The following MAD1L1 variants were observed in gnomAD, a reference collection of about 807,000 sequenced individuals.
MAD1L1 encodes mitotic arrest deficient 1 like 1.
Under a neutral mutation model 96.9 loss-of-function variants are expected in MAD1L1, and 95 were observed. The ratio of observed to expected loss-of-function variants is 0.98; its 90% CI spans 0.83 to 1.16. The LOEUF (loss-of-function observed/expected upper bound fraction) is 1.16. MAD1L1 is among the 50% of genes most tolerant of loss of function. The pLI, the probability that MAD1L1 is intolerant of heterozygous loss-of-function variation, is 0.00. For synonymous variants in MAD1L1, 473 were observed against 396.6 expected (o/e 1.19, Z -2.29); for missense variants, 1,007 against 954.4 (o/e 1.06, Z -0.73).
chr7:2,011,009 G>A (rs567672694), intron 13 of MAD1L1, among the ~76,000 whole-genome samples: 5 of 152,222 alleles, frequency 3.3e-5, no homozygotes, highest in Admixed American at 2.6e-4. Context: ...AAAAGGAGAC[G>A]GGAAACAGAA....
At chr7:1,897,984 G>A (rs1786991689) in intron 18 of MAD1L1, 2 of 596,712 alleles carry the variant, frequency 3.4e-6, no homozygotes, top group Non-Finnish European at 6.0e-6. Context: ...TCTGCACCCA[G>A]GAGGTCCAGG....
intron 12 of MAD1L1, among the ~76,000 whole-genome samples, chr7:2,018,780 G>A (rs1203072085): frequency 2.0e-5 from 3 of 151,646 alleles, no homozygotes; most frequent in Non-Finnish European, 2.9e-5. Context: ...ACCCACTCCC[G>A]CCCGGCCTCT....
At chr7:1,902,936 T>C (rs145567785) in intron 17 of MAD1L1, among the ~76,000 whole-genome samples, 44 of 145,792 alleles carry the variant, frequency 3.0e-4, no homozygotes, top group African/African-American at 1.1e-3. Flanking sequence ...GTGGAACTCA[T>C]GATTGATGAA....
At chr7:1,826,888 T>A (rs1328627138) in intron 18 of MAD1L1, among the ~76,000 whole-genome samples, 1 of 152,152 alleles carries the variant, frequency 6.6e-6, no homozygotes, top group Non-Finnish European at 1.5e-5. Context: ...AGGGTGACCT[T>A]TCCTTCAAGA....
At chr7:1,847,721 G>A (rs776631328) in intron 18 of MAD1L1, 7 of 469,950 alleles carry the variant, frequency 1.5e-5, no homozygotes, top group Non-Finnish European at 3.1e-5. Context: ...GGTTCCCATC[G>A]CTTCGGCGTC....
At chr7:2,126,478 C>A (rs1394495009) in intron 11 of MAD1L1, among the ~76,000 whole-genome samples, 2 of 152,218 alleles carry the variant, frequency 1.3e-5, no homozygotes, top group Non-Finnish European at 2.9e-5. Context: ...GCGGAGCTAT[C>A]TTCCCCCCTC....
At chr7:2,165,664 C>T (rs1030425617) in intron 10 of MAD1L1, among the ~76,000 whole-genome samples, 2 of 100,426 alleles carry the variant, frequency 2.0e-5, no homozygotes, top group South Asian at 3.6e-4. Flanking sequence ...GACCAAAACA[C>T]GCGTCTCAGC....
intron 12 of MAD1L1, among the ~76,000 whole-genome samples, chr7:2,017,698 T>G (rs1049753339): frequency 6.6e-6 from 1 of 152,160 alleles, no homozygotes; most frequent in Non-Finnish European, 1.5e-5. Context: ...ATGACGCTCA[T>G]TCCCTCATCA....
chr7:1,937,516 C>T (rs545112440), intron 16 of MAD1L1, among the ~76,000 whole-genome samples: 6 of 152,236 alleles, frequency 3.9e-5, no homozygotes, highest in African/African-American at 1.4e-4. Context: ...GGTGGGTGAC[C>T]GACCCCCAGC....
Position 2,209,046 on chromosome 7 carries a change from C to A in MAD1L1, c.986+4166G>T, listed in dbSNP as rs539837495. 2.0e-3 allele frequency among the ~76,000 whole-genome samples: 310 copies of A among 152,334 alleles called. 2 individuals are homozygous for A. Among genetic ancestry groups the A allele is most frequent in the African/African-American group, 7.3e-3 (305 of 41,576 alleles). Reference sequence around the variant, plus strand: ...GTGTGTTCACGCAGGCTCATCCACACGCACTGTGTCCCTCCTTGCCTGTGA... The same window carrying A: ...GTGTGTTCACGCAGGCTCATCCACAAGCACTGTGTCCCTCCTTGCCTGTGA... On this transcript the variant is annotated intron_variant, in intron 10 of 18. Transcript: ENST00000265854.
chr7:1,877,599 T>A (rs553815610), intron 18 of MAD1L1, among the ~76,000 whole-genome samples: 197 of 152,226 alleles, frequency 1.3e-3, no homozygotes, highest in South Asian at 4.4e-3. Context: ...ATTATCAGTC[T>A]GAATAAAAAA....
At chr7:1,997,127 TTAA>T (rs1200842097) in intron 14 of MAD1L1, among the ~76,000 whole-genome samples, 1 of 152,248 alleles carries the variant, frequency 6.6e-6, no homozygotes, top group African/African-American at 2.4e-5. Flanking sequence ...GGTTTGCTAA[TTAA>T]TAATAAGAAA....
At chr7:1,977,202 C>A (rs562154165) in intron 15 of MAD1L1, among the ~76,000 whole-genome samples, 75 of 152,368 alleles carry the variant, frequency 4.9e-4, no homozygotes, top group African/African-American at 1.8e-3. Flanking sequence ...TGGGAGCCCA[C>A]GGCTGGGGGT....
At chr7:1,944,456 G>T (rs545460564) in intron 16 of MAD1L1, among the ~76,000 whole-genome samples, 1 of 152,164 alleles carries the variant, frequency 6.6e-6, no homozygotes, top group East Asian at 1.9e-4. Flanking sequence ...CAGAGCCTGC[G>T]GGGCTGAAAC....
At chr7:2,057,036 C>T (rs540877148) in intron 12 of MAD1L1, among the ~76,000 whole-genome samples, 18 of 152,338 alleles carry the variant, frequency 1.2e-4, no homozygotes, top group African/African-American at 4.1e-4. Context: ...TGTTCACCGG[C>T]TTCCCACACC....
At chr7:1,946,385 G>A (rs1351770738) in intron 16 of MAD1L1, among the ~76,000 whole-genome samples, 1 of 152,268 alleles carries the variant, frequency 6.6e-6, no homozygotes, top group Non-Finnish European at 1.5e-5. Context: ...GCAGATGGGA[G>A]ATGGAGCAAC....
At chr7:2,159,185 C>T (rs892067316) in intron 10 of MAD1L1, among the ~76,000 whole-genome samples, 4 of 152,250 alleles carry the variant, frequency 2.6e-5, no homozygotes, top group East Asian at 1.9e-4. Context: ...ACCCTCGTCA[C>T]GCTGTGACTC....
chr7:1,900,060 A>G (rs1167682056), intron 17 of MAD1L1, among the ~76,000 whole-genome samples: 1 of 152,152 alleles, frequency 6.6e-6, no homozygotes, highest in Non-Finnish European at 1.5e-5. Context: ...CACGTGCCGG[A>G]GGCCACCGCC....
chr7:1,852,025 C>T (rs375469116), intron 18 of MAD1L1, among the ~76,000 whole-genome samples: 4 of 152,180 alleles, frequency 2.6e-5, no homozygotes, highest in African/African-American at 9.6e-5. Flanking sequence ...TCACTGGTGC[C>T]CACGTTGGGG....
Sources: allele counts gnomAD v4.1 joint callset (sites outside exome capture counted in the v4.1 genomes callset), GRCh38; gene constraint gnomAD v4.1.1; transcripts MANE v1.5; gene names NCBI Gene and HGNC (gene_info 2026-07-23, HGNC 2026-07-21).